LONP1: variants seen among roughly 807,000 people sequenced by gnomAD.
LONP1 encodes lon protease homolog, mitochondrial.
LONP1 carries 31 observed loss-of-function variants against 98.5 expected under a neutral mutation model. That is an observed-to-expected ratio of 0.31 (90% confidence interval 0.24 to 0.42). LONP1 has a LOEUF of 0.42. LONP1 is among the 20% of genes least tolerant of loss of function. The pLI, the probability that LONP1 is intolerant of heterozygous loss-of-function variation, is 1.00. For synonymous variants in LONP1, 781 were observed against 594.7 expected (o/e 1.31, Z -4.56); for missense variants, 1,336 against 1,350.6 (o/e 0.99, Z 0.17).
Position 5,699,441 on chromosome 19 carries a change from G to A in LONP1, c.1507-236C>T, listed in dbSNP as rs546716699. 4.3e-4 allele frequency among the ~76,000 whole-genome samples: 66 copies of A among 152,234 alleles called. 1 individual carries two copies. Among genetic ancestry groups the A allele is most frequent in the African/African-American group, 9.4e-4 (39 of 41,536 alleles). The stretch of plus-strand genomic sequence containing the variant: ...GGACAACTAGGTGCTAGGAGACCGC[G>A]GCCACCCGGCAGTGCCAGGCCCGTT... On this transcript the variant is annotated intron_variant, in intron 9 of 17. Coordinates refer to ENST00000360614, the MANE Select transcript of LONP1 (RefSeq NM_004793.4).
In LONP1 at chr19:5,701,633, C is replaced by T. The variant is rs542873485; in HGVS notation, c.1368-706G>A. ...CAGACGGAGTCTCGTTCACTCAGTG[C>T]TCAATGGTGCCCAGGCTGGAGTGCA... On this transcript the variant is annotated intron_variant, in intron 8 of 17. Coordinates refer to ENST00000360614, the MANE Select transcript of LONP1 (RefSeq NM_004793.4). Among the ~76,000 whole-genome samples, 10 of 152,344 alleles carry T rather than the reference C, an allele frequency of 6.6e-5. No individual in the cohort carries two copies. The South Asian group carries it at 8.3e-4, about 13-fold the overall frequency.
chr19:5,691,885 A>C lies in LONP1; in HGVS notation c.*147T>G. On this transcript the variant is annotated 3_prime_UTR_variant, in exon 18 of 18. Coordinates refer to ENST00000360614, the MANE Select transcript of LONP1 (RefSeq NM_004793.4). ...TAGCTTCTATGCCACACTCTGATTAAGCCGACTGAGGTCCCTGGGATCTGG... is the reference window on the plus strand; with the variant it reads ...TAGCTTCTATGCCACACTCTGATTACGCCGACTGAGGTCCCTGGGATCTGG... The C allele has an allele frequency of 1.1e-6, 1 of 932,180 alleles. No homozygotes were observed. Among genetic ancestry groups the C allele is most frequent in the Non-Finnish European group, 1.6e-6 (1 of 628,788 alleles). The allele number at this position is 932,180 out of a possible 1,614,324, so 57.7% of individuals were successfully genotyped here.
Position 5,705,854 on chromosome 19 carries a change from C to T in LONP1, c.1285G>A (p.Val429Met), listed in dbSNP as rs369128618. Residue 429 changes from valine to methionine, a missense_variant, in exon 8 of 18, where the codon GTG (valine) becomes ATG (methionine). Around this residue, in one of 5 missense-constraint regions of LONP1, gnomAD observed 219 missense variants for 241.0 expected, o/e 0.91. Transcript: ENST00000360614. ...EKFRERLKEL[V>M]VPKHVMDVVD... Reference sequence around the variant, plus strand: ...ACATCCATGACGTGCTTGGGGACCACGAGCTCCTTCAGGCGCTCCCGGAAC... The same window carrying T: ...ACATCCATGACGTGCTTGGGGACCATGAGCTCCTTCAGGCGCTCCCGGAAC... 1.1e-5 allele frequency: 18 copies of T among 1,614,080 alleles called. No individual in the cohort carries two copies. Among genetic ancestry groups the T allele is most frequent in the African/African-American group, 5.3e-5 (4 of 74,948 alleles).
chr19:5,710,650 T>A (rs574163428), intron 4 of LONP1, among the ~76,000 whole-genome samples: 3 of 152,234 alleles, frequency 2.0e-5, no homozygotes, highest in Admixed American at 1.3e-4. Context: ...AGTGTTGGGA[T>A]GACAGGCATG....
chr19:5,705,572 C>T (rs937012511), intron 8 of LONP1, among the ~76,000 whole-genome samples, 200 bp downstream of exon 8: 2 of 152,100 alleles, frequency 1.3e-5, no homozygotes, highest in African/African-American at 4.8e-5. Context: ...CAGCCCCGAG[C>T]CTCGATTTCC....
chr19:5,714,205 C>T lies in LONP1; in HGVS notation c.496G>A (p.Val166Ile), dbSNP rs371967685. ...TACCTGTCATCTCTCTTTAGAAAGA[C>T]GCCGACATAAGGCTGGGCGAGACGA... is the stretch of plus-strand genomic sequence containing the variant. ...KVRLAQPYVG[V>I]FLKRDDSNES... Residue 166 changes from valine to isoleucine, a missense_variant, in exon 2 of 18, where the codon GTC (valine) becomes ATC (isoleucine). By Grantham distance (29) the Val-to-Ile change is conservative. This residue lies in a region of LONP1 where 457 missense variants were observed against 403.1 expected (regional missense o/e 1.13). Transcript: ENST00000360614. 16 of 1,613,218 alleles carry T rather than the reference C, an allele frequency of 9.9e-6. No homozygotes were observed. The highest frequency in any genetic ancestry group is 5.5e-5 in the South Asian group (5 of 90,920).
Position 5,693,295 on chromosome 19 carries a change from C to T in LONP1, c.2703+3G>A, listed in dbSNP as rs755721876. Reference sequence around the variant, plus strand: ...GCTGTGGGGTGGGTACAGGGACACTCACCGCAATGGTCTTCTCCTTGATGC... The same window carrying T: ...GCTGTGGGGTGGGTACAGGGACACTTACCGCAATGGTCTTCTCCTTGATGC... On this transcript the variant is annotated splice_donor_region_variant and intron_variant, in intron 17 of 17. Coordinates refer to ENST00000360614, the MANE Select transcript of LONP1 (RefSeq NM_004793.4). The T allele has an allele frequency of 1.3e-5, 21 of 1,607,652 alleles. No homozygotes were observed. The highest frequency in any genetic ancestry group is 1.5e-5 in the Non-Finnish European group (18 of 1,175,794).
chr19:5,705,674 G>A, intron 8 of LONP1, 98 bp downstream of exon 8: 1 of 1,020,124 alleles, frequency 9.8e-7, no homozygotes, highest in Non-Finnish European at 1.5e-6. Context: ...ACACCAAGAA[G>A]GTGCCACGGG....
In LONP1 at chr19:5,694,412, G is replaced by A; in HGVS notation, c.2295C>T (p.Val765=). Residue 765 remains valine, a synonymous_variant, in exon 15 of 18, where the codon GTC becomes GTT. Transcript: ENST00000360614. ...RMYDVTPPGV[V]MGLAWTAMGG... ...CCATTGCGGTCCAGGCCAGCCCCAT[G>A]ACCACGCCGGGCGGTGTCACGTCAT... The A allele has an allele frequency of 1.2e-6, 2 of 1,613,498 alleles. No individual in the cohort carries two copies. Among genetic ancestry groups the A allele is most frequent in the South Asian group, 2.2e-5 (2 of 91,070 alleles).
Position 5,692,806 on chromosome 19 carries a change from C to CTAGGAAG in LONP1, c.2703+491_2703+492insCTTCCTA, listed in dbSNP as rs1481296457. Among the ~76,000 whole-genome samples the CTAGGAAG allele has an allele frequency of 7.2e-5, 11 of 152,278 alleles. No homozygotes were observed. In the East Asian group the frequency reaches 1.5e-3, roughly 21 times the overall value. ...TGGTCACAGCCACTTGACCATGCCT[C>CTAGGAAG]CCTCGTGGTGGCATCTCCTGACTGA... On this transcript the variant is annotated intron_variant, in intron 17 of 17. Transcript: ENST00000360614.
In LONP1 at chr19:5,692,129, G is replaced by A. The variant is rs867860911; in HGVS notation, c.2783C>T (p.Thr928Ile). 6.2e-7 allele frequency: 1 copy of A among 1,614,178 alleles called. No homozygotes were observed. The highest frequency in any genetic ancestry group is 8.5e-7 in the Non-Finnish European group (1 of 1,180,018). Residue 928 changes from threonine to isoleucine, a missense_variant, in exon 18 of 18, where the codon ACC (threonine) becomes ATC (isoleucine). Transcript: ENST00000360614. ...KDFYDLAAFI[T>I]EGLEVHFVEH... Reference sequence around the variant, plus strand: ...CACGAAGTGCACCTCCAGGCCCTCGGTGATGAAGGCTGCCAGGTCGTAGAA... The same window carrying A: ...CACGAAGTGCACCTCCAGGCCCTCGATGATGAAGGCTGCCAGGTCGTAGAA...
chr19:5,712,858 C>T (rs781574846), intron 3 of LONP1, among the ~76,000 whole-genome samples: 12 of 151,970 alleles, frequency 7.9e-5, no homozygotes, highest in Non-Finnish European at 1.3e-4. Flanking sequence ...ACTCAAACTC[C>T]GGGCTCAAGC....
intron 7 of LONP1, 118 bp downstream of exon 7, chr19:5,706,942 T>A (rs2055154926): frequency 1.2e-6 from 1 of 805,744 alleles, no homozygotes; most frequent in Admixed American, 2.2e-5. Flanking sequence ...CAGACAGGCC[T>A]TCTTGGCTTG....
intron 10 of LONP1, among the ~76,000 whole-genome samples, chr19:5,698,293 C>T (rs2054978781): frequency 6.6e-6 from 1 of 152,168 alleles, no homozygotes; most frequent in South Asian, 2.1e-4. Context: ...CAGAAATGTT[C>T]ACTTTAAACC....
At chr19:5,697,887 GGCCCGCACCTCCA>G (rs945629792) in intron 10 of LONP1, among the ~76,000 whole-genome samples, 2 of 152,020 alleles carry the variant, frequency 1.3e-5, no homozygotes, top group Middle Eastern at 3.4e-3. Flanking sequence ...TCTCTCCTCC[GGCCCGCACCTCCA>G]GCCATCCCTG....
rs760013317 is a variant in LONP1 at position 5,694,764 on chromosome 19, C to T, written c.2151G>A (p.Glu717=). The part of the protein sequence containing the change: ...SGVRNLQKQV[E]KVLRKSAYKI... Reference sequence around the variant, plus strand: ...GGAGGGCGGGCTGGCCGCTCACCTTCTCCACTTGCTTCTGCAGGTTGCGGA... The same window carrying T: ...GGAGGGCGGGCTGGCCGCTCACCTTTTCCACTTGCTTCTGCAGGTTGCGGA... The change falls in exon 14 of 18, where the codon GAG becomes GAA. Residue 717 remains glutamate (E), a synonymous_variant. Coordinates refer to ENST00000360614, the MANE Select transcript of LONP1 (RefSeq NM_004793.4). 2.5e-6 allele frequency: 4 copies of T among 1,588,800 alleles called. No homozygotes were observed. The South Asian group carries it at 3.3e-5, about 13-fold the overall frequency.
intron 6 of LONP1, 37 bp downstream of exon 6, chr19:5,707,660 C>T (rs758140673): frequency 6.3e-7 from 1 of 1,586,772 alleles, no homozygotes; most frequent in Admixed American, 1.7e-5. Flanking sequence ...TGGGGTGCAG[C>T]CAGGCGTGGG....
At chr19:5,702,724 C>T (rs1017349515) in intron 8 of LONP1, among the ~76,000 whole-genome samples, 30 of 152,086 alleles carry the variant, frequency 2.0e-4, no homozygotes, top group African/African-American at 7.0e-4. Context: ...TTACCCCCAA[C>T]CCTGTGCTCT....
intron 7 of LONP1, 47 bp downstream of exon 7, chr19:5,707,013 C>T (rs754077008): frequency 2.0e-5 from 30 of 1,518,312 alleles, no homozygotes; most frequent in South Asian, 1.9e-4. Context: ...TCACGTGGCC[C>T]GAGGGGAAGG....
Sources: gnomAD v4.1 joint callset for allele counts (sites outside exome capture counted in the v4.1 genomes callset) on GRCh38, gnomAD v4.1.1 for gene constraint, gnomAD v4.1.1 regional missense constraint, MANE v1.5 for transcripts, NCBI Gene and HGNC (gene_info 2026-07-23, HGNC 2026-07-21) for gene names.